RBFOX1: variants seen among roughly 807,000 people sequenced by gnomAD.
RBFOX1 encodes RNA binding fox-1 homolog 1.
Under a neutral mutation model 57.7 loss-of-function variants are expected in RBFOX1, and 8 were observed. The observed-to-expected ratio is 0.14, with a 90% confidence interval of 0.08 to 0.25. The LOEUF is 0.25. RBFOX1 is among the 10% of genes least tolerant of loss of function. The probability of loss-of-function intolerance (pLI) is 1.00; values close to 1 mark genes in which losing one functional copy is unlikely to be tolerated. For missense variants in RBFOX1, 611 were observed against 548.5 expected (o/e 1.11, Z -1.14); for synonymous variants, 326 against 222.4 (o/e 1.47, Z -4.15).
chr16:5,959,443 C>T (rs927035011), intron 4 of RBFOX1, among the ~76,000 whole-genome samples: 2 of 152,156 alleles, frequency 1.3e-5, no homozygotes, highest in African/African-American at 4.8e-5. Flanking sequence ...GACCTAGCAT[C>T]CATTCTTGCT....
chr16:6,483,064 G>A, intron 2 of RBFOX1: 2 of 895,608 alleles, frequency 2.2e-6, no homozygotes, highest in Non-Finnish European at 2.7e-6. Flanking sequence ...CAGCCAGCTC[G>A]GAGCTTTGCA....
At chr16:6,122,028 C>T (rs879453589) in intron 1 of RBFOX1, among the ~76,000 whole-genome samples, 1 of 152,150 alleles carries the variant, frequency 6.6e-6, no homozygotes, top group Non-Finnish European at 1.5e-5. Flanking sequence ...GCCTCAGCCT[C>T]CTGCGTAGCT....
At chr16:7,362,748 G>C (rs1055181232) in intron 4 of RBFOX1, among the ~76,000 whole-genome samples, 3 of 152,102 alleles carry the variant, frequency 2.0e-5, no homozygotes, top group African/African-American at 4.8e-5. Context: ...TGTTTTGGGT[G>C]TATGTTAGTG....
intron 4 of RBFOX1, among the ~76,000 whole-genome samples, chr16:7,195,308 T>C (rs1399842502): frequency 6.6e-6 from 1 of 152,222 alleles, no homozygotes; most frequent in African/African-American, 2.4e-5. Context: ...ATAAGGCTTC[T>C]TGTGAAAGTC....
intron 3 of RBFOX1, among the ~76,000 whole-genome samples, chr16:6,686,574 A>T (rs980365243): frequency 2.3e-4 from 35 of 152,224 alleles, no homozygotes; most frequent in Non-Finnish European, 1.0e-4. Flanking sequence ...AAAGGGGTGA[A>T]CACATTCTTC....
chr16:5,620,330 G>A (rs1404037211), intron 3 of RBFOX1, among the ~76,000 whole-genome samples: 1 of 152,176 alleles, frequency 6.6e-6, no homozygotes, highest in South Asian at 2.1e-4. Flanking sequence ...TACACATGGT[G>A]TGGAGAGACA....
At chr16:7,166,969 G>GTTTTTTTTTTTT (rs1555527093) in intron 4 of RBFOX1, among the ~76,000 whole-genome samples, 1 of 49,868 alleles carries the variant, frequency 2.0e-5, no homozygotes, top group African/African-American at 9.1e-5. Flanking sequence ...CTGCATTGGT[G>GTTTTTTTTTTTT]TTCTTTTTTT....
intron 4 of RBFOX1, among the ~76,000 whole-genome samples, chr16:5,901,002 G>C (rs2058292673): frequency 6.6e-6 from 1 of 152,220 alleles, no homozygotes; most frequent in African/African-American, 2.4e-5. Context: ...TGTCCTTTCA[G>C]TCTGCAATCA....
At chr16:5,866,061 C>T (rs560459642) in intron 3 of RBFOX1, among the ~76,000 whole-genome samples, 24 of 152,184 alleles carry the variant, frequency 1.6e-4, no homozygotes, top group Middle Eastern at 3.4e-3. Flanking sequence ...TCTGCCTCCG[C>T]GGTTCAAGGG....
chr16:7,394,480 A>T (rs2098108116), intron 4 of RBFOX1, among the ~76,000 whole-genome samples: 1 of 152,094 alleles, frequency 6.6e-6, no homozygotes, highest in South Asian at 2.1e-4. Flanking sequence ...GAAAGGGTTG[A>T]CACAAGAGTC....
chr16:6,365,156 G>C (rs901925839), intron 2 of RBFOX1, among the ~76,000 whole-genome samples: 3 of 152,186 alleles, frequency 2.0e-5, no homozygotes, highest in African/African-American at 7.2e-5. Context: ...TATCAGAATA[G>C]CAGCTATAAA....
intron 3 of RBFOX1, among the ~76,000 whole-genome samples, chr16:5,701,118 A>AT (rs5815264): frequency 0.56 from 85,038 of 151,966 alleles, 26,634 homozygotes; most frequent in Non-Finnish European, 0.72. Context: ...ATGCCTGTTT[A>AT]TTGTTAAAGA....
intron 2 of RBFOX1, among the ~76,000 whole-genome samples, chr16:6,349,087 G>A (rs772158951): frequency 2.0e-5 from 3 of 152,236 alleles, no homozygotes; most frequent in Non-Finnish European, 2.9e-5. Context: ...ATGCTGTGCC[G>A]TGGGTTGCTA....
chr16:7,326,568 A>G (rs955091931), intron 4 of RBFOX1, among the ~76,000 whole-genome samples: 1 of 152,030 alleles, frequency 6.6e-6, no homozygotes, highest in African/African-American at 2.4e-5. Context: ...ATTAACTAGC[A>G]CTTTCTGGAT....
At chr16:5,970,459 A>G (rs1029759667) in intron 4 of RBFOX1, among the ~76,000 whole-genome samples, 2 of 152,152 alleles carry the variant, frequency 1.3e-5, no homozygotes, top group Admixed American at 6.5e-5. Flanking sequence ...CTATGGTGGC[A>G]TATTTCTGCT....
intron 3 of RBFOX1, among the ~76,000 whole-genome samples, chr16:6,808,178 G>GTGTGTGTGTA (rs1318609964): frequency 4.8e-5 from 7 of 145,574 alleles, no homozygotes; most frequent in Middle Eastern, 3.7e-3. Flanking sequence ...GTGTGTGTGT[G>GTGTGTGTGTA]TATATATATA....
At chr16:5,595,162 C>A (rs1301152058) in intron 2 of RBFOX1, among the ~76,000 whole-genome samples, 3 of 151,902 alleles carry the variant, frequency 2.0e-5, no homozygotes, top group Middle Eastern at 3.4e-3. Context: ...CACAAAAAAA[C>A]CATGTTTCCC....
chr16:7,404,795 G>C (rs1000690336), intron 4 of RBFOX1, among the ~76,000 whole-genome samples: 1 of 152,194 alleles, frequency 6.6e-6, no homozygotes, highest in Non-Finnish European at 1.5e-5. Context: ...ATGCACAATA[G>C]GTTATCATTC....
At chr16:6,052,466 AT>A (rs2095562333) in intron 1 of RBFOX1, among the ~76,000 whole-genome samples, 1 of 152,006 alleles carries the variant, frequency 6.6e-6, no homozygotes, top group Non-Finnish European at 1.5e-5. Context: ...TGGTATCCTA[AT>A]CTGTAAAGTG....
Sources: allele counts gnomAD v4.1 joint callset (sites outside exome capture counted in the v4.1 genomes callset), GRCh38; gene constraint gnomAD v4.1.1; transcripts MANE v1.5; gene names NCBI Gene and HGNC (gene_info 2026-07-23, HGNC 2026-07-21).